CDKL4: variants seen among roughly 807,000 people sequenced by gnomAD.
CDKL4 encodes the protein cyclin dependent kinase like 4, also known as cyclin-dependent kinase-like 4.
CDKL4 carries 44 observed loss-of-function variants against 42.0 expected under a neutral mutation model. That is an observed-to-expected ratio of 1.05 (90% CI 0.82 to 1.35). The LOEUF (loss-of-function observed/expected upper bound fraction) is 1.35. Ranked by LOEUF, CDKL4 falls within the 40% of genes most tolerant of loss-of-function variation. The probability of loss-of-function intolerance (pLI) is 0.00; values close to 1 mark genes in which losing one functional copy is unlikely to be tolerated. For missense variants in CDKL4, 393 were observed against 369.9 expected, an observed-to-expected ratio of 1.06 and a Z score of -0.51; for synonymous variants, 120 against 121.6, an observed-to-expected ratio of 0.99 and a Z score of 0.09.
chr2:39,227,370 T>TA (rs1219767673), intron 2 of CDKL4, among the ~76,000 whole-genome samples: 2 of 152,354 alleles, frequency 1.3e-5, no homozygotes, highest in East Asian at 3.9e-4. Flanking sequence ...TGCATGCCTC[T>TA]ACCTCAGTAT....
intron 1 of CDKL4, among the ~76,000 whole-genome samples, chr2:39,240,089 C>CA (rs1679582521): frequency 6.9e-6 from 1 of 144,820 alleles, no homozygotes; most frequent in South Asian, 2.2e-4. Flanking sequence ...GACTCTGTCT[C>CA]AAAAAAAAGT....
chr2:39,235,136 C>G (rs567864307), intron 1 of CDKL4, among the ~76,000 whole-genome samples: 1 of 152,182 alleles, frequency 6.6e-6, no homozygotes, highest in East Asian at 1.9e-4. Context: ...CCTTGGCCTC[C>G]CAAAATGTTG....
At chr2:39,186,224 TA>T (rs1558548309) in intron 7 of CDKL4, among the ~76,000 whole-genome samples, 2 of 152,064 alleles carry the variant, frequency 1.3e-5, no homozygotes, top group Admixed American at 1.3e-4. Context: ...ACAAAGACAA[TA>T]AAAAAGAAAA....
upstream of CDKL4, among the ~76,000 whole-genome samples, chr2:39,245,470 G>A (rs973409293): frequency 6.6e-6 from 1 of 152,170 alleles, no homozygotes; most frequent in Non-Finnish European, 1.5e-5. Context: ...AGGGTCCGCG[G>A]CTTCATTCTT....
At chr2:39,222,995 A>C (rs1295451784) in intron 3 of CDKL4, among the ~76,000 whole-genome samples, 1 of 152,190 alleles carries the variant, frequency 6.6e-6, no homozygotes, top group Non-Finnish European at 1.5e-5. Context: ...ATATATGTGC[A>C]TTCACAGAAA....
At chr2:39,177,275 G>C (rs6706711) in intron 9 of CDKL4, among the ~76,000 whole-genome samples, 134,390 of 152,032 alleles carry the variant, frequency 0.88, 59,728 homozygotes, top group Non-Finnish European at 0.94. Context: ...ACCCAACCCC[G>C]TCGAGGCGAG....
intron 9 of CDKL4, chr2:39,178,567 T>C (rs1199201720): frequency 7.7e-6 from 12 of 1,551,222 alleles, no homozygotes; most frequent in Non-Finnish European, 1.0e-5. Flanking sequence ...ACTTCAAAGT[T>C]TTCTGAAAGC....
chr2:39,237,177 A>G (rs1679419315), intron 1 of CDKL4, among the ~76,000 whole-genome samples: 1 of 152,230 alleles, frequency 6.6e-6, no homozygotes, highest in African/African-American at 2.4e-5. Flanking sequence ...TAGCAAACCA[A>G]ATCTGGAAAC....
At chr2:39,169,316 G>A in the CDKL4 span, among the ~76,000 whole-genome samples, 28,281 of 151,966 alleles carry the variant, frequency 0.19, 3,814 homozygotes, top group African/African-American at 0.37. Context: ...ATTTTCATTT[G>A]GAAAATTTAA....
At chr2:39,224,651 C>T (rs555570580) in intron 3 of CDKL4, among the ~76,000 whole-genome samples, 1 of 151,710 alleles carries the variant, frequency 6.6e-6, no homozygotes, top group Non-Finnish European at 1.5e-5. Context: ...CTACAGGCAC[C>T]CACAACCACA....
chr2:39,222,986 T>C (rs1256765643), intron 3 of CDKL4, among the ~76,000 whole-genome samples: 1 of 152,144 alleles, frequency 6.6e-6, no homozygotes, highest in Non-Finnish European at 1.5e-5. Context: ...TTAAAAGTAA[T>C]ATATGTGCAT....
At position 39,201,346 on chromosome 2, in the gene CDKL4, AAGGGAACACTTTTAC is replaced by A. The variant is rs1427790627; in HGVS notation, c.454+3166_454+3180del. The stretch of plus-strand genomic sequence containing the variant: ...CAGATGTTGGCATGGATGTGGTGAA[AAGGGAACACTTTTAC>A]ACTCTGGAGGGAATCTAAATTAATA... On this transcript the variant is annotated intron_variant, in intron 5 of 9. Transcript: ENST00000451199. Among the ~76,000 whole-genome samples the A allele has an allele frequency of 1.5e-3, 233 of 152,270 alleles. 1 individual carries two copies. The highest frequency in any genetic ancestry group is 2.9e-3 in the Non-Finnish European group (199 of 68,020).
intron 4 of CDKL4, among the ~76,000 whole-genome samples, chr2:39,210,939 T>A (rs1677550353): frequency 6.6e-6 from 1 of 152,182 alleles, no homozygotes; most frequent in Admixed American, 6.5e-5. Flanking sequence ...AAAGAAAGCT[T>A]CCCCTCCGTA....
At position 39,212,290 on chromosome 2, in the gene CDKL4, G is replaced by A. The variant is rs377208197; in HGVS notation, c.363+1110C>T. 4.0e-5 allele frequency among the ~76,000 whole-genome samples: 6 copies of A among 150,788 alleles called. No homozygotes were observed. In the East Asian group the frequency reaches 1.2e-3, roughly 29 times the overall value. On this transcript the variant is annotated intron_variant, in intron 4 of 9. Coordinates refer to ENST00000451199, the Ensembl canonical transcript of CDKL4. ...ACACTGTCGCCCAGGCTGGAGTGCAGTGGCACGATCTCGGCTCACTGCAAG... is the reference window on the plus strand; with the variant it reads ...ACACTGTCGCCCAGGCTGGAGTGCAATGGCACGATCTCGGCTCACTGCAAG...
exon 2 of CDKL4, chr2:39,229,535 T>G (rs755762926): frequency 6.3e-6 from 10 of 1,598,784 alleles, no homozygotes; most frequent in Non-Finnish European, 7.7e-6. Flanking sequence ...TTTTCCATTA[T>G]AGCTGAAGTG....
chr2:39,225,909 T>C, exon 3 of CDKL4: 3 of 1,611,040 alleles, frequency 1.9e-6, no homozygotes, highest in Non-Finnish European at 2.5e-6. Context: ...TGCATTTTCC[T>C]TTTTCTCCTG....
chr2:39,247,042 C>T (rs999060345), upstream of CDKL4, among the ~76,000 whole-genome samples: 2 of 152,224 alleles, frequency 1.3e-5, no homozygotes, highest in African/African-American at 4.8e-5. Context: ...CACACTGGGC[C>T]TGTACCTTGT....
At position 39,220,080 on chromosome 2, in the gene CDKL4, A is replaced by G. The variant is rs370039553; in HGVS notation, c.290+5759T>C. On this transcript the variant is annotated intron_variant, in intron 3 of 9. Transcript: ENST00000451199. ...ACCCTGCAGGGTGCTCAATGACAAC[A>G]AAGACTGAATTTATGTGAGGATAAT... Among the ~76,000 whole-genome samples, 24 of 152,322 alleles carry G rather than the reference A, an allele frequency of 1.6e-4. No individual in the cohort carries two copies. In the South Asian group the frequency reaches 5.0e-3, roughly 32 times the overall value.
downstream of CDKL4, among the ~76,000 whole-genome samples, chr2:39,171,785 G>A (rs1328470148): frequency 6.6e-6 from 1 of 152,224 alleles, no homozygotes; most frequent in Non-Finnish European, 1.5e-5. Context: ...AAGAGGCCAC[G>A]AAGAGGCGGA....
Sources: gnomAD v4.1 joint callset for allele counts (sites outside exome capture counted in the v4.1 genomes callset) on GRCh38, gnomAD v4.1.1 for gene constraint, MANE v1.5 for transcripts, NCBI Gene and HGNC (gene_info 2026-07-23, HGNC 2026-07-21) for gene names.